The following ZFP90 variants were observed in gnomAD, a reference collection of about 807,000 sequenced individuals.
ZFP90 encodes the protein zinc finger protein 90 homolog.
ZFP90 carries 38 observed loss-of-function variants against 60.8 expected under a neutral mutation model. The ratio of observed to expected loss-of-function variants is 0.62; its 90% CI spans 0.48 to 0.82. ZFP90 has a LOEUF of 0.82. Among genes scored for constraint, ZFP90 ranks in the 40% least tolerant of loss-of-function variants. ZFP90 has a pLI of 0.00. For synonymous variants in ZFP90, 287 were observed against 264.8 expected (o/e 1.08, Z -0.82); for missense variants, 711 against 759.1 (o/e 0.94, Z 0.74).
At chr16:68,569,170 T>A (rs1242480295), downstream of ZFP90, among the ~76,000 whole-genome samples, 1 of 136,580 alleles carries the variant, frequency 7.3e-6, no homozygotes, top group Non-Finnish European at 1.6e-5. Context: ...GGAGTCTCAC[T>A]CTGTCACCCA....
chr16:68,565,754 C>T lies in ZFP90; in HGVS notation c.*1056C>T. On this transcript the variant is annotated 3_prime_UTR_variant, in exon 5 of 5. Coordinates refer to ENST00000563169, the MANE Select transcript of ZFP90 (RefSeq NM_001305203.2). ...AAAGTTAAGTCTAATTGCCCATTGC[C>T]ATAAATTTTGCCTTGTACTCAGAGA... is the stretch of plus-strand genomic sequence containing the variant. 1.0e-6 allele frequency: 1 copy of T among 985,492 alleles called. No individual in the cohort carries two copies. The allele number at this position is 985,492 out of a possible 1,614,324, so 61.0% of individuals were successfully genotyped here.
intron 4 of ZFP90, among the ~76,000 whole-genome samples, chr16:68,560,672 T>C (rs2091427019): frequency 6.6e-6 from 1 of 151,788 alleles, no homozygotes; most frequent in Non-Finnish European, 1.5e-5. Context: ...TTCTCATGCC[T>C]CAGCCTCCCA....
intron 2 of ZFP90, chr16:68,557,332 T>C: frequency 2.2e-6 from 1 of 451,304 alleles, no homozygotes; most frequent in Non-Finnish European, 4.5e-6. Flanking sequence ...TTATTATTAA[T>C]ACGGCGAGGT....
chr16:68,562,638 G>T, intron 4 of ZFP90: 1 of 226,134 alleles, frequency 4.4e-6, no homozygotes, highest in Non-Finnish European at 8.7e-6. Context: ...CCTGAGAGTT[G>T]ACAGTAAAGA....
chr16:68,575,344 A>G (rs1020404993), intron 2 of ZFP90, among the ~76,000 whole-genome samples: 2 of 152,136 alleles, frequency 1.3e-5, no homozygotes, highest in South Asian at 4.1e-4. Flanking sequence ...TCCAAGAAGA[A>G]TGAGGTTATG....
At chr16:68,541,347 T>G (rs763191047) in intron 2 of ZFP90, among the ~76,000 whole-genome samples, 6 of 150,340 alleles carry the variant, frequency 4.0e-5, no homozygotes, top group Non-Finnish European at 7.4e-5. Context: ...CTAATTTTTG[T>G]TTTTTTTTGT....
rs35122186 is a variant in ZFP90, at chr16:68,540,808, C to CA, written c.33+1005dup. Among the ~76,000 whole-genome samples the CA allele has an allele frequency of 3.1e-3, 288 of 92,454 alleles. 2 individuals carry two copies. Among genetic ancestry groups the CA allele is most frequent in the Middle Eastern group, 7.8e-3 (1 of 128 alleles). 60.7% of individuals were successfully genotyped at this position (92,454 alleles called of 152,430 possible). On this transcript the variant is annotated intron_variant, in intron 2 of 4. Transcript: ENST00000563169. ...GCAACATAGTGAGACTCCGTCTCTG[C>CA]AAAAAAAAAAAAAAAAAAAAAATTT...
chr16:68,569,128 TAG>T (rs2091553863), downstream of ZFP90, among the ~76,000 whole-genome samples: 1 of 139,974 alleles, frequency 7.1e-6, no homozygotes, highest in South Asian at 2.3e-4. Context: ...CTATGACAAT[TAG>T]TCCCACTTTT....
intron 2 of ZFP90, among the ~76,000 whole-genome samples, chr16:68,549,049 G>A (rs528187217): frequency 8.5e-5 from 13 of 152,208 alleles, no homozygotes; most frequent in African/African-American, 2.4e-4. Flanking sequence ...CTCAGCAGAC[G>A]TGTTTGGAAT....
At chr16:68,535,122 T>C (rs1364431369), upstream of ZFP90, among the ~76,000 whole-genome samples, 1 of 152,172 alleles carries the variant, frequency 6.6e-6, no homozygotes, top group Non-Finnish European at 1.5e-5. Context: ...CTTTGAAGCC[T>C]GGACTGAAGG....
At chr16:68,541,076 C>T (rs1362215748) in intron 2 of ZFP90, among the ~76,000 whole-genome samples, 6 of 151,670 alleles carry the variant, frequency 4.0e-5, no homozygotes, top group Admixed American at 1.3e-4. Context: ...CATTCTGTCA[C>T]CCAGGCTGAA....
At chr16:68,557,570 G>C (rs1289620682) in intron 2 of ZFP90, among the ~76,000 whole-genome samples, 1 of 151,798 alleles carries the variant, frequency 6.6e-6, no homozygotes, top group East Asian at 1.9e-4. Context: ...ACATGAACAA[G>C]GGACTTTGTG....
At chr16:68,571,879 TAAAA>T (rs1221360523), downstream of ZFP90, among the ~76,000 whole-genome samples, 4 of 152,138 alleles carry the variant, frequency 2.6e-5, no homozygotes, top group African/African-American at 9.6e-5. Context: ...AGGCACCAAT[TAAAA>T]AGGGAGGGCA....
intron 2 of ZFP90, among the ~76,000 whole-genome samples, chr16:68,542,633 G>C (rs2091072386): frequency 6.6e-6 from 1 of 152,100 alleles, no homozygotes; most frequent in Non-Finnish European, 1.5e-5. Flanking sequence ...GGGTAGAGCT[G>C]ATTGATTTGG....
At chr16:68,555,452 C>G (rs1243398230) in intron 2 of ZFP90, among the ~76,000 whole-genome samples, 4 of 152,102 alleles carry the variant, frequency 2.6e-5, no homozygotes, top group Non-Finnish European at 4.4e-5. Flanking sequence ...GGTCATGCAC[C>G]TCACTCAGTA....
chr16:68,563,634 G>C lies in ZFP90; in HGVS notation c.847G>C (p.Glu283Gln). Reference protein sequence around the residue: ...QRIHTGEKPFECNVCGKAFRH... With the variant: ...QRIHTGEKPFQCNVCGKAFRH... The stretch of plus-strand genomic sequence containing the variant: ...AATTCACACTGGGGAGAAACCCTTT[G>C]AATGCAATGTATGTGGAAAGGCCTT... Residue 283 changes from glutamate (E) to glutamine (Q), a missense_variant, in exon 5 of 5, where the codon GAA becomes CAA. Physicochemically the swap from Glu to Gln is conservative, Grantham distance 29 (BLOSUM62 2). Around this residue, in one of 5 missense-constraint regions of ZFP90, gnomAD observed 146 missense variants for 201.4 expected, o/e 0.73. Coordinates refer to ENST00000563169, the MANE Select transcript of ZFP90 (RefSeq NM_001305203.2). 1 of 1,614,122 alleles carries C rather than the reference G, an allele frequency of 6.2e-7. No homozygotes were observed. Among genetic ancestry groups the C allele is most frequent in the Non-Finnish European group, 8.5e-7 (1 of 1,180,028 alleles).
At chr16:68,570,349 T>G (rs1469981353), downstream of ZFP90, among the ~76,000 whole-genome samples, 4 of 152,214 alleles carry the variant, frequency 2.6e-5, no homozygotes, top group African/African-American at 4.8e-5. Context: ...GCCAGTGGTG[T>G]TAGCAAGTTT....
chr16:68,565,050 A>T lies in ZFP90; in HGVS notation c.*352A>T. 9.9e-7 allele frequency: 1 copy of T among 1,011,642 alleles called. No homozygotes were observed. The highest frequency in any genetic ancestry group is 1.2e-6 in the Non-Finnish European group (1 of 847,356). 62.7% of individuals were successfully genotyped at this position (1,011,642 alleles called of 1,614,324 possible). The stretch of plus-strand genomic sequence containing the variant: ...TTTTTAAAAAGCAAATTCCTGCAGT[A>T]ATGACCAAAACCCATTTTAAAAATT... On this transcript the variant is annotated 3_prime_UTR_variant, in exon 5 of 5. Coordinates refer to ENST00000563169, the MANE Select transcript of ZFP90 (RefSeq NM_001305203.2).
chr16:68,571,929 A>T (rs1369447319), downstream of ZFP90, among the ~76,000 whole-genome samples: 1 of 152,236 alleles, frequency 6.6e-6, no homozygotes, highest in Non-Finnish European at 1.5e-5. Flanking sequence ...GAGGAGCATG[A>T]GTGACTATTT....
Sources: gnomAD v4.1 joint callset for allele counts (sites outside exome capture counted in the v4.1 genomes callset) on GRCh38, gnomAD v4.1.1 for gene constraint, gnomAD v4.1.1 regional missense constraint, MANE v1.5 for transcripts, NCBI Gene and HGNC (gene_info 2026-07-23, HGNC 2026-07-21) for gene names.